CWC27: variants seen among roughly 807,000 people sequenced by gnomAD.
The protein encoded by CWC27 is CWC27 spliceosome associated cyclophilin, also known as spliceosome-associated protein CWC27 homolog.
A neutral mutation model predicts 63.6 loss-of-function variants in CWC27; 47 were observed. The ratio of observed to expected loss-of-function variants is 0.74; its 90% CI spans 0.58 to 0.94. CWC27 has a LOEUF of 0.94. Among genes scored for constraint, CWC27 ranks in the 40% least tolerant of loss-of-function variants. The pLI is 0.00. For missense variants in CWC27, 495 were observed against 554.3 expected, an observed-to-expected ratio of 0.89 and a Z score of 1.07; for synonymous variants, 175 against 179.8, an observed-to-expected ratio of 0.97 and a Z score of 0.22.
chr5:64,971,877 A>G, intron 12 of CWC27, 65 bp downstream of exon 12: 1 of 955,750 alleles, frequency 1.0e-6, no homozygotes, highest in Non-Finnish European at 1.6e-6. Context: ...AGTGTTTCTA[A>G]ATGGAGCCTA....
chr5:64,892,664 G>A (rs756394019), intron 11 of CWC27, among the ~76,000 whole-genome samples: 1 of 151,966 alleles, frequency 6.6e-6, no homozygotes, highest in Non-Finnish European at 1.5e-5. Context: ...CTTGCTTTAG[G>A]AGTATGTCTT....
chr5:64,877,433 A>G (rs1384682825), intron 10 of CWC27, among the ~76,000 whole-genome samples: 2 of 152,006 alleles, frequency 1.3e-5, no homozygotes, highest in Non-Finnish European at 2.9e-5. Context: ...GGGGGGATGA[A>G]GAGAGATTGG....
chr5:64,817,942 T>A (rs1467685972), intron 10 of CWC27, among the ~76,000 whole-genome samples: 1 of 152,174 alleles, frequency 6.6e-6, no homozygotes, highest in Non-Finnish European at 1.5e-5. Context: ...ATTTATTTTT[T>A]GTGTACTCAC....
chr5:64,890,204 A>C (rs1344867247), intron 11 of CWC27, among the ~76,000 whole-genome samples: 1 of 152,196 alleles, frequency 6.6e-6, no homozygotes, highest in Non-Finnish European at 1.5e-5. Context: ...TTGTAAATCA[A>C]GAAAAAATTT....
At chr5:64,885,390 C>G in intron 10 of CWC27, 53 bp from the exon 11 acceptor site, 1 of 1,285,354 alleles carries the variant, frequency 7.8e-7, no homozygotes. Flanking sequence ...TTTTGCTAAA[C>G]AACTTTTACT....
At chr5:64,801,490 G>A (rs562768926) in intron 9 of CWC27, among the ~76,000 whole-genome samples, 158 bp downstream of exon 9, 2 of 151,906 alleles carry the variant, frequency 1.3e-5, no homozygotes, top group African/African-American at 4.8e-5. Context: ...AATTATTTAG[G>A]TGTTAGACTA....
intron 7 of CWC27, among the ~76,000 whole-genome samples, chr5:64,800,042 G>T (rs1744433252): frequency 6.6e-6 from 1 of 152,008 alleles, no homozygotes; most frequent in Admixed American, 6.6e-5. Flanking sequence ...TTTTTTGAAA[G>T]AAAAGGTGTT....
intron 10 of CWC27, among the ~76,000 whole-genome samples, chr5:64,832,408 T>C (rs983934206): frequency 1.3e-5 from 2 of 151,808 alleles, no homozygotes; most frequent in African/African-American, 4.8e-5. Flanking sequence ...CTACTAATAG[T>C]TTGTCTTTTT....
chr5:64,867,784 G>A (rs1394997333), intron 10 of CWC27, among the ~76,000 whole-genome samples: 1 of 152,044 alleles, frequency 6.6e-6, no homozygotes, highest in Admixed American at 6.6e-5. Flanking sequence ...AGCATAGTGA[G>A]GGTTGGAGGT....
intron 10 of CWC27, among the ~76,000 whole-genome samples, chr5:64,810,408 AT>A (rs970938067): frequency 8.6e-5 from 13 of 151,254 alleles, no homozygotes; most frequent in Non-Finnish European, 1.8e-4. Context: ...TAATTTTAGG[AT>A]TTTTTTTTCT....
intron 13 of CWC27, among the ~76,000 whole-genome samples, chr5:65,004,092 G>A (rs951804780): frequency 6.6e-6 from 1 of 152,118 alleles, no homozygotes; most frequent in Admixed American, 6.5e-5. Flanking sequence ...TGATCTGCCT[G>A]CCTCGGCCTC....
chr5:64,901,709 G>T (rs1338320283), intron 11 of CWC27, among the ~76,000 whole-genome samples: 1 of 152,008 alleles, frequency 6.6e-6, no homozygotes, highest in African/African-American at 2.4e-5. Context: ...TTTACTTTAT[G>T]AACTTTTTAA....
chr5:64,783,799 T>C, intron 3 of CWC27, 37 bp from the exon 4 acceptor site: 7 of 1,516,680 alleles, frequency 4.6e-6, no homozygotes, highest in Non-Finnish European at 6.2e-6. Context: ...AAGGGTCTTA[T>C]AACTGAGGAC....
At chr5:64,977,277 TAGTCTC>T in intron 13 of CWC27, 39 bp downstream of exon 13, 2 of 1,383,862 alleles carry the variant, frequency 1.4e-6, no homozygotes, top group Admixed American at 1.7e-5. Flanking sequence ...CATGAACAAA[TAGTCTC>T]AGAGCAGAGA....
chr5:64,978,297 T>A (rs1749266851), intron 13 of CWC27, among the ~76,000 whole-genome samples: 3 of 152,236 alleles, frequency 2.0e-5, no homozygotes, highest in Admixed American at 2.0e-4. Context: ...ATGGAATGAA[T>A]CCTACCTAAC....
intron 11 of CWC27, among the ~76,000 whole-genome samples, chr5:64,937,846 A>G (rs1488372694): frequency 1.3e-5 from 2 of 151,584 alleles, no homozygotes; most frequent in Non-Finnish European, 2.9e-5. Flanking sequence ...ACCATTATAT[A>G]ATGCCCTTCT....
intron 11 of CWC27, among the ~76,000 whole-genome samples, chr5:64,957,379 C>T (rs1367673104): frequency 2.0e-5 from 3 of 152,048 alleles, no homozygotes; most frequent in Non-Finnish European, 4.4e-5. Flanking sequence ...AAATGGCCAT[C>T]GAGCTACAAG....
At chr5:64,786,736 T>G (rs2112173238) in intron 6 of CWC27, 109 bp downstream of exon 6, 1 of 634,470 alleles carries the variant, frequency 1.6e-6, no homozygotes, top group South Asian at 2.3e-5. Context: ...AGAGGCCAGT[T>G]TGAACCAGAG....
intron 11 of CWC27, among the ~76,000 whole-genome samples, chr5:64,905,894 G>T (rs1349864473): frequency 6.6e-6 from 1 of 152,058 alleles, no homozygotes; most frequent in African/African-American, 2.4e-5. Flanking sequence ...TGTTCTCATT[G>T]TTCAATTCCC....
Sources: gnomAD v4.1 joint callset for allele counts (sites outside exome capture counted in the v4.1 genomes callset) on GRCh38, gnomAD v4.1.1 for gene constraint, MANE v1.5 for transcripts, NCBI Gene and HGNC (gene_info 2026-07-23, HGNC 2026-07-21) for gene names.